The following OPRM1 variants were observed in gnomAD, a reference collection of about 807,000 sequenced individuals.
OPRM1 encodes opioid receptor mu 1.
In OPRM1, 27 loss-of-function variants were observed where a neutral mutation model predicts 31.8. The ratio of observed to expected loss-of-function variants is 0.85; its 90% confidence interval spans 0.63 to 1.17. OPRM1 has a LOEUF of 1.17. Among genes scored for constraint, OPRM1 ranks in the 50% most tolerant of loss-of-function variants. The pLI is 0.00. For synonymous variants in OPRM1, 196 were observed against 189.9 expected (o/e 1.03, Z -0.26); for missense variants, 536 against 511.1 (o/e 1.05, Z -0.47).
intron 1 of OPRM1, among the ~76,000 whole-genome samples, chr6:154,078,902 A>G (rs934608769): frequency 8.5e-5 from 13 of 152,200 alleles, no homozygotes; most frequent in African/African-American, 2.9e-4. Flanking sequence ...AAATCATCCT[A>G]AAAGACTAAA....
At chr6:154,115,101 T>C (rs617648) in intron 3 of OPRM1, among the ~76,000 whole-genome samples, 135,059 of 152,194 alleles carry the variant, frequency 0.89, 60,095 homozygotes, top group East Asian at 0.98. Context: ...CAGCTCTGCC[T>C]AGTGGATACA....
At chr6:154,145,432 G>T (rs1233989852) in intron 3 of OPRM1, among the ~76,000 whole-genome samples, 1 of 152,168 alleles carries the variant, frequency 6.6e-6, no homozygotes, top group Non-Finnish European at 1.5e-5. Flanking sequence ...AATGAAATAG[G>T]TGTTAATCTA....
intron 3 of OPRM1, among the ~76,000 whole-genome samples, chr6:154,201,018 G>T (rs1777024041): frequency 6.6e-6 from 1 of 152,134 alleles, no homozygotes; most frequent in South Asian, 2.1e-4. Flanking sequence ...GAGTTCTCAT[G>T]AGATCTGATA....
At chr6:154,116,367 C>CT (rs1796876450) in intron 3 of OPRM1, among the ~76,000 whole-genome samples, 1 of 152,048 alleles carries the variant, frequency 6.6e-6, no homozygotes, top group African/African-American at 2.4e-5. Flanking sequence ...AAGTAGATCA[C>CT]TTGAGGTCAA....
chr6:154,035,345 T>C (rs1008403517), upstream of OPRM1, among the ~76,000 whole-genome samples: 3 of 152,206 alleles, frequency 2.0e-5, no homozygotes, highest in African/African-American at 7.2e-5. Flanking sequence ...AAATAAAGAG[T>C]GCCTATTCCA....
intron 3 of OPRM1, among the ~76,000 whole-genome samples, chr6:154,186,671 C>T (rs1801389049): frequency 6.6e-6 from 1 of 152,152 alleles, no homozygotes; most frequent in African/African-American, 2.4e-5. Context: ...ATTCTCCTGC[C>T]TCAGCCTCCC....
At chr6:154,243,479 C>T (rs558615569) in intron 3 of OPRM1, among the ~76,000 whole-genome samples, 2 of 152,246 alleles carry the variant, frequency 1.3e-5, no homozygotes, top group South Asian at 4.1e-4. Context: ...GTAGACTATG[C>T]ATTGGGTAAC....
intron 1 of OPRM1, among the ~76,000 whole-genome samples, chr6:154,064,895 T>C (rs1785072137): frequency 6.6e-6 from 1 of 152,202 alleles, no homozygotes; most frequent in Non-Finnish European, 1.5e-5. Flanking sequence ...ACCATTACTT[T>C]AAAGTAAGTT....
chr6:154,063,213 C>T lies in OPRM1; in HGVS notation c.290+23379C>T, dbSNP rs151055009. Among the ~76,000 whole-genome samples the T allele has an allele frequency of 9.1e-4, 139 of 152,040 alleles. 1 individual carries two copies. The highest frequency in any genetic ancestry group is 6.8e-3 in the Middle Eastern group (2 of 294). Reference sequence around the variant, plus strand: ...AGTACTCTTCTCTTTAAAATAGATACAATAATAGATACAATAATCACGGTT... The same window carrying T: ...AGTACTCTTCTCTTTAAAATAGATATAATAATAGATACAATAATCACGGTT... On this transcript the variant is annotated intron_variant, in intron 1 of 3. Coordinates refer to ENST00000330432, the MANE Select transcript of OPRM1 (RefSeq NM_000914.5).
rs534905469 is a variant in OPRM1, at chr6:154,172,440, A to G, written c.1165-74253A>G. On this transcript the variant is annotated intron_variant, in intron 3 of 3. Transcript: ENST00000337049. ...AGGAATGATACACTTCTACCCAAATACTGTGCTTTTCCCACAGTCTTCGCA... is the reference window on the plus strand; with the variant it reads ...AGGAATGATACACTTCTACCCAAATGCTGTGCTTTTCCCACAGTCTTCGCA... 5.8e-3 allele frequency among the ~76,000 whole-genome samples: 881 copies of G among 152,142 alleles called. 11 individuals carry two copies. Among genetic ancestry groups the G allele is most frequent in the African/African-American group, 0.021 (854 of 41,490 alleles).
intron 1 of OPRM1, among the ~76,000 whole-genome samples, chr6:154,017,978 A>T (rs1778104326): frequency 6.6e-6 from 1 of 152,054 alleles, no homozygotes; most frequent in South Asian, 2.1e-4. Context: ...GAGGCACTGA[A>T]CTCTTCACCA....
intron 1 of OPRM1, among the ~76,000 whole-genome samples, chr6:154,029,638 T>C (rs1778893527): frequency 6.6e-6 from 1 of 152,240 alleles, no homozygotes; most frequent in Non-Finnish European, 1.5e-5. Context: ...AAACATATGT[T>C]GGATGATATG....
chr6:154,223,933 A>G (rs1407180269), intron 3 of OPRM1, among the ~76,000 whole-genome samples: 2 of 152,248 alleles, frequency 1.3e-5, no homozygotes. Context: ...AGGACGTAGC[A>G]TAAATGTCAC....
chr6:154,014,538 A>G (rs1294092), intron 1 of OPRM1, among the ~76,000 whole-genome samples: 23,870 of 151,926 alleles, frequency 0.16, 2,557 homozygotes, highest in East Asian at 0.4. Context: ...TTTAATGACT[A>G]TTGAAGGTAA....
Position 154,121,985 on chromosome 6 carries a change from C to T in OPRM1, c.*3264C>T, listed in dbSNP as rs1484000293. Among the ~76,000 whole-genome samples the T allele has an allele frequency of 1.3e-5, 2 of 152,222 alleles. No homozygotes were observed. The highest frequency in any genetic ancestry group is 1.3e-4 in the Admixed American group (2 of 15,274). On this transcript the variant is annotated 3_prime_UTR_variant, in exon 4 of 4. Transcript: ENST00000330432. ...TTTATACAGACATATTCTCCATCTA[C>T]TGGCAATTACCAAGATAAGATGGCA...
In OPRM1 at chr6:154,090,163, A is replaced by G. The variant is rs370533711; in HGVS notation, c.628A>G (p.Thr210Ala). 1 of 1,611,662 alleles carries G rather than the reference A, an allele frequency of 6.2e-7. No homozygotes were observed. The highest frequency in any genetic ancestry group is 8.5e-7 in the Non-Finnish European group (1 of 1,178,306). ...IGLPVMFMATTKYRQGSIDCT... is the reference protein window; with the variant it reads ...IGLPVMFMATAKYRQGSIDCT... ...TCTTCCTGTAATGTTCATGGCTACA[A>G]CAAAATACAGGCAAGGTGAGTGATG... Residue 210 changes from threonine to alanine, a missense_variant, in exon 2 of 4, where the codon ACA (threonine) becomes GCA (alanine). Physicochemically the swap from Thr to Ala is moderately conservative, Grantham distance 58 (BLOSUM62 0). Transcript: ENST00000330432.
rs1294256682 is a variant in OPRM1, at chr6:154,180,205, T to C, written c.1165-66488T>C. Reference sequence around the variant, plus strand: ...GCTTAAAAGTGTCAGTGCCTCATAATGTTGAGTTGGTGCGAATTTGGGTTA... The same window carrying C: ...GCTTAAAAGTGTCAGTGCCTCATAACGTTGAGTTGGTGCGAATTTGGGTTA... On this transcript the variant is annotated intron_variant, in intron 3 of 3. Transcript: ENST00000337049. Among the ~76,000 whole-genome samples, 10 of 152,188 alleles carry C rather than the reference T, an allele frequency of 6.6e-5. No homozygotes were observed. The East Asian group carries it at 1.9e-3, about 29-fold the overall frequency.
At chr6:154,166,109 C>T (rs1027676774) in intron 3 of OPRM1, among the ~76,000 whole-genome samples, 3 of 152,246 alleles carry the variant, frequency 2.0e-5, no homozygotes, top group Admixed American at 2.0e-4. Context: ...TGGCCACAGA[C>T]ACTTTGAAAT....
At chr6:154,196,093 CT>C (rs1025402840) in intron 3 of OPRM1, among the ~76,000 whole-genome samples, 4 of 152,214 alleles carry the variant, frequency 2.6e-5, no homozygotes, top group South Asian at 2.1e-4. Flanking sequence ...CCCAGTCCCC[CT>C]GGTTCACATT....
Sources: allele counts gnomAD v4.1 joint callset (sites outside exome capture counted in the v4.1 genomes callset), GRCh38; gene constraint gnomAD v4.1.1; transcripts MANE v1.5; gene names NCBI Gene and HGNC (gene_info 2026-07-23, HGNC 2026-07-21).